PTBP3: variants seen among roughly 807,000 people sequenced by gnomAD.
PTBP3 encodes the protein polypyrimidine tract-binding protein 3.
PTBP3 carries 20 observed loss-of-function variants against 58.7 expected under a neutral mutation model. That is an observed-to-expected ratio of 0.34 (90% confidence interval 0.24 to 0.50). PTBP3 has a LOEUF of 0.50. Among genes scored for constraint, PTBP3 ranks in the 20% least tolerant of loss-of-function variants. The pLI is 0.98. For missense variants in PTBP3, 509 were observed against 637.2 expected (o/e 0.80, Z 2.17); for synonymous variants, 185 against 219.8 (o/e 0.84, Z 1.40).
chr9:112,368,069 A>G, the PTBP3 span, among the ~76,000 whole-genome samples: 1 of 152,086 alleles, frequency 6.6e-6, no homozygotes, highest in Admixed American at 6.5e-5. Context: ...ATCTTGGTTC[A>G]CTGCAAACTC....
chr9:112,259,028 T>C (rs1180546031), intron 5 of PTBP3, among the ~76,000 whole-genome samples: 1 of 152,158 alleles, frequency 6.6e-6, no homozygotes, highest in African/African-American at 2.4e-5. Flanking sequence ...CTTGGTTCAA[T>C]GCAACCTCCA....
Position 112,222,089 on chromosome 9 carries a change from C to T in PTBP3, c.*1762G>A. ...GGACTACAGGCGCACAGGCGCACACCACCATGCCCAGCAAGATATTCTTTA... is the reference window on the plus strand; with the variant it reads ...GGACTACAGGCGCACAGGCGCACACTACCATGCCCAGCAAGATATTCTTTA... On this transcript the variant is annotated 3_prime_UTR_variant, in exon 14 of 14. Coordinates refer to ENST00000374257, the MANE Select transcript of PTBP3 (RefSeq NM_001163788.4). 1.0e-6 allele frequency: 1 copy of T among 984,534 alleles called. No homozygotes were observed. The highest frequency in any genetic ancestry group is 1.2e-6 in the Non-Finnish European group (1 of 828,744). 61.0% of individuals were successfully genotyped at this position (984,534 alleles called of 1,614,324 possible). A position where few individuals can be genotyped will look rare whatever the true frequency, so the allele number is the denominator to read the frequency against.
chr9:112,238,691 A>G (rs905874320), intron 7 of PTBP3, among the ~76,000 whole-genome samples: 2 of 128,210 alleles, frequency 1.6e-5, no homozygotes, highest in African/African-American at 6.4e-5. Context: ...AAAACAGAGC[A>G]GCAGTTAGCT....
chr9:112,321,872 G>A (rs1829963891), intron 1 of PTBP3, among the ~76,000 whole-genome samples: 1 of 151,754 alleles, frequency 6.6e-6, no homozygotes, highest in Non-Finnish European at 1.5e-5. Flanking sequence ...ATACAAAAAG[G>A]CCCTTGTAAT....
intron 3 of PTBP3, among the ~76,000 whole-genome samples, chr9:112,272,306 C>T (rs977551155): frequency 6.6e-6 from 1 of 152,146 alleles, no homozygotes. Context: ...CTCAAGTAAT[C>T]CTCCTGCCTC....
intron 4 of PTBP3, among the ~76,000 whole-genome samples, chr9:112,262,927 CTA>C (rs1358120467): frequency 6.6e-6 from 1 of 152,130 alleles, no homozygotes; most frequent in African/African-American, 2.4e-5. Context: ...ACATTAAAGA[CTA>C]TGGCATGGGA....
the PTBP3 span, among the ~76,000 whole-genome samples, chr9:112,349,702 T>A: frequency 1.8e-4 from 27 of 151,512 alleles, no homozygotes; most frequent in African/African-American, 6.1e-4. Flanking sequence ...CTACCAAAAA[T>A]ACAACAATTA....
intron 2 of PTBP3, among the ~76,000 whole-genome samples, chr9:112,278,932 A>AT (rs1369880423): frequency 6.6e-6 from 1 of 152,102 alleles, no homozygotes; most frequent in Non-Finnish European, 1.5e-5. Context: ...ATTATGTTCT[A>AT]TTTTTTCCCA....
chr9:112,363,732 A>G, the PTBP3 span, among the ~76,000 whole-genome samples: 2 of 152,196 alleles, frequency 1.3e-5, no homozygotes, highest in African/African-American at 2.4e-5. Context: ...GAAGAGTGCT[A>G]GATTCACAGA....
At chr9:112,248,396 GGC>G (rs1357764725) in intron 7 of PTBP3, among the ~76,000 whole-genome samples, 8 of 152,108 alleles carry the variant, frequency 5.3e-5, no homozygotes, top group Non-Finnish European at 1.0e-4. Context: ...CAGGGATGGG[GGC>G]GAGAGGTAAA....
At chr9:112,352,251 A>G in the PTBP3 span, among the ~76,000 whole-genome samples, 15 of 152,166 alleles carry the variant, frequency 9.9e-5, no homozygotes, top group Non-Finnish European at 1.8e-4. Context: ...AGTATTTGAA[A>G]GTAAAATCTA....
chr9:112,345,330 A>C, the PTBP3 span, among the ~76,000 whole-genome samples: 2 of 127,468 alleles, frequency 1.6e-5, no homozygotes, highest in African/African-American at 3.0e-5. Flanking sequence ...ACAGAGTAAG[A>C]CCCTCATCTC....
chr9:112,225,346 G>A (rs1260453240), intron 12 of PTBP3, among the ~76,000 whole-genome samples: 1 of 151,852 alleles, frequency 6.6e-6, no homozygotes, highest in Admixed American at 6.6e-5. Flanking sequence ...TACTTCAAAG[G>A]TTATTATGGA....
At chr9:112,365,405 T>C in the PTBP3 span, among the ~76,000 whole-genome samples, 2 of 152,026 alleles carry the variant, frequency 1.3e-5, no homozygotes, top group Non-Finnish European at 2.9e-5. Flanking sequence ...GATCTGATGG[T>C]TTTAAAAATG....
At chr9:112,349,717 G>A in the PTBP3 span, among the ~76,000 whole-genome samples, 4 of 151,840 alleles carry the variant, frequency 2.6e-5, no homozygotes, top group Admixed American at 6.6e-5. Context: ...CAATTAGTCA[G>A]GTGTGGTGGC....
In PTBP3 at chr9:112,222,672, G is replaced by GA. The variant is rs1443950885; in HGVS notation, c.*1178dup. 1.3e-5 allele frequency: 13 copies of GA among 984,538 alleles called. No homozygotes were observed. Among genetic ancestry groups the GA allele is most frequent in the Non-Finnish European group, 1.4e-5 (12 of 829,038 alleles). 61.0% of individuals were successfully genotyped at this position (984,538 alleles called of 1,614,324 possible). The stretch of plus-strand genomic sequence containing the variant: ...ATTGAAAACCACTTAAAATTGCAAT[G>GA]AAAAAAATTTTAAATCCTTACCAAA... On this transcript the variant is annotated 3_prime_UTR_variant, in exon 14 of 14. Transcript: ENST00000374257.
chr9:112,295,520 C>T (rs1266637160), intron 2 of PTBP3, among the ~76,000 whole-genome samples: 1 of 144,718 alleles, frequency 6.9e-6, no homozygotes, highest in African/African-American at 2.6e-5. Context: ...TACATGACCA[C>T]ATCTAGCTAT....
chr9:112,375,029 C>T, the PTBP3 span, among the ~76,000 whole-genome samples: 2 of 152,302 alleles, frequency 1.3e-5, no homozygotes, highest in South Asian at 2.1e-4. Flanking sequence ...CCATGAATAA[C>T]CTCCATCCCT....
At chr9:112,376,175 A>C in the PTBP3 span, among the ~76,000 whole-genome samples, 1 of 144,034 alleles carries the variant, frequency 6.9e-6, no homozygotes, top group African/African-American at 2.6e-5. Context: ...ATATATATAT[A>C]TATCCTATTA....
Sources: allele counts gnomAD v4.1 joint callset (sites outside exome capture counted in the v4.1 genomes callset), GRCh38; gene constraint gnomAD v4.1.1; transcripts MANE v1.5; gene names NCBI Gene and HGNC (gene_info 2026-07-23, HGNC 2026-07-21).